THSD4: variants seen among roughly 807,000 people sequenced by gnomAD.
THSD4 encodes thrombospondin type-1 domain-containing protein 4.
THSD4 carries 69 observed loss-of-function variants against 119.0 expected under a neutral mutation model. The observed-to-expected ratio is 0.58, with a 90% CI of 0.48 to 0.71. The LOEUF (loss-of-function observed/expected upper bound fraction) is 0.71. Ranked by LOEUF, THSD4 falls within the 30% of genes least tolerant of loss-of-function variation. THSD4 has a pLI of 0.00. For missense variants in THSD4, 1,393 were observed against 1,391.1 expected, an observed-to-expected ratio of 1.00 and a Z score of -0.02; for synonymous variants, 524 against 540.4, an observed-to-expected ratio of 0.97 and a Z score of 0.42.
intron 6 of THSD4, among the ~76,000 whole-genome samples, chr15:71,350,560 T>C (rs1365739393): frequency 3.9e-5 from 6 of 152,222 alleles, no homozygotes; most frequent in African/African-American, 1.4e-4. Flanking sequence ...GACTTGAATT[T>C]TTATTTTTCT....
chr15:71,315,174 G>A (rs2045168865), intron 6 of THSD4, among the ~76,000 whole-genome samples: 1 of 152,156 alleles, frequency 6.6e-6, no homozygotes, highest in African/African-American at 2.4e-5. Flanking sequence ...TCCCAGCATG[G>A]CCTGGGCTGC....
At chr15:71,640,980 G>GACACACAC (rs10551548) in intron 7 of THSD4, among the ~76,000 whole-genome samples, 15 of 146,722 alleles carry the variant, frequency 1.0e-4, no homozygotes, top group South Asian at 8.8e-4. Flanking sequence ...CCCACCTACA[G>GACACACAC]ACACACACAC....
chr15:71,766,194 A>AT (rs1311384604), intron 16 of THSD4, among the ~76,000 whole-genome samples: 3 of 152,088 alleles, frequency 2.0e-5, no homozygotes, highest in African/African-American at 7.2e-5. Context: ...GATAAGATTC[A>AT]TTTTTTTCAA....
chr15:71,394,139 G>A (rs536849247), intron 6 of THSD4, among the ~76,000 whole-genome samples: 1 of 150,746 alleles, frequency 6.6e-6, no homozygotes, highest in African/African-American at 2.4e-5. Flanking sequence ...CTGCATATCT[G>A]AGATATTTAA....
At chr15:71,506,790 G>A (rs968749434) in intron 7 of THSD4, among the ~76,000 whole-genome samples, 1 of 152,166 alleles carries the variant, frequency 6.6e-6, no homozygotes, top group African/African-American at 2.4e-5. Context: ...CAGCTCCATG[G>A]GGTTTGTGTT....
intron 7 of THSD4, among the ~76,000 whole-genome samples, chr15:71,446,015 T>A (rs1331386542): frequency 6.6e-6 from 1 of 152,238 alleles, no homozygotes; most frequent in Non-Finnish European, 1.5e-5. Context: ...TAATTAAGAC[T>A]GAATTTATTT....
At chr15:71,631,883 T>A (rs1046335425) in intron 7 of THSD4, among the ~76,000 whole-genome samples, 4 of 152,134 alleles carry the variant, frequency 2.6e-5, no homozygotes, top group African/African-American at 9.7e-5. Flanking sequence ...CCGTCCAATA[T>A]CCCAAGCTAC....
chr15:71,103,338 C>G (rs1423527214), intron 1 of THSD4, among the ~76,000 whole-genome samples: 1 of 152,176 alleles, frequency 6.6e-6, no homozygotes, highest in African/African-American at 2.4e-5. Flanking sequence ...AGTTTCAGTT[C>G]TCCAAACATG....
At chr15:71,408,432 T>C (rs1301231084) in intron 6 of THSD4, among the ~76,000 whole-genome samples, 1 of 152,082 alleles carries the variant, frequency 6.6e-6, no homozygotes, top group East Asian at 1.9e-4. Context: ...AGGGTCTCAT[T>C]ATGTTGCCCA....
intron 8 of THSD4, among the ~76,000 whole-genome samples, chr15:71,700,986 A>G (rs1181235091): frequency 1.3e-5 from 2 of 152,132 alleles, no homozygotes; most frequent in East Asian, 3.8e-4. Context: ...TCTGACAAGA[A>G]CTAAACTCTT....
At chr15:71,403,747 C>T (rs1479714524) in intron 6 of THSD4, among the ~76,000 whole-genome samples, 2 of 152,200 alleles carry the variant, frequency 1.3e-5, no homozygotes, top group Non-Finnish European at 2.9e-5. Flanking sequence ...CAGTGTTCCC[C>T]AGCTGCAATA....
chr15:71,214,563 G>A (rs2043914497), intron 3 of THSD4, among the ~76,000 whole-genome samples: 1 of 152,226 alleles, frequency 6.6e-6, no homozygotes, highest in Non-Finnish European at 1.5e-5. Flanking sequence ...CCACCGGAAG[G>A]AACAAACTCC....
chr15:71,692,042 CAAGT>C (rs1242973156), intron 8 of THSD4, among the ~76,000 whole-genome samples: 3 of 152,186 alleles, frequency 2.0e-5, no homozygotes, highest in African/African-American at 7.2e-5. Context: ...CCAAAAGTAA[CAAGT>C]AATCACATGG....
chr15:71,727,122 A>G (rs1190685805), intron 8 of THSD4, among the ~76,000 whole-genome samples: 1 of 151,932 alleles, frequency 6.6e-6, no homozygotes, highest in Non-Finnish European at 1.5e-5. Flanking sequence ...ACTAGAAATC[A>G]CAGGTCTGAC....
intron 1 of THSD4, among the ~76,000 whole-genome samples, chr15:71,100,854 C>T (rs899036656): frequency 1.3e-5 from 2 of 152,066 alleles, no homozygotes; most frequent in African/African-American, 4.8e-5. Flanking sequence ...GTGGCCTGCA[C>T]ACCTGTGGTC....
intron 7 of THSD4, among the ~76,000 whole-genome samples, chr15:71,466,394 A>G (rs562604109): frequency 6.6e-6 from 1 of 151,536 alleles, no homozygotes; most frequent in African/African-American, 2.4e-5. Context: ...TGTAACAGAG[A>G]AAAAGGGTCA....
At chr15:71,424,405 CAG>C (rs1370595012) in intron 7 of THSD4, among the ~76,000 whole-genome samples, 4 of 152,000 alleles carry the variant, frequency 2.6e-5, no homozygotes, top group African/African-American at 9.7e-5. Context: ...CATTTTTTGA[CAG>C]GGACTGGAAG....
chr15:71,650,999 C>T (rs1192247328), intron 7 of THSD4, among the ~76,000 whole-genome samples: 4 of 152,144 alleles, frequency 2.6e-5, no homozygotes, highest in Admixed American at 2.6e-4. Context: ...GAGGAAAATT[C>T]TGATGAAAGA....
intron 8 of THSD4, among the ~76,000 whole-genome samples, chr15:71,682,398 A>G (rs1197851916): frequency 1.3e-5 from 2 of 152,250 alleles, no homozygotes; most frequent in East Asian, 3.9e-4. Context: ...AGATGAAGAA[A>G]TAGAACTTGA....
Sources: allele counts gnomAD v4.1 joint callset (sites outside exome capture counted in the v4.1 genomes callset), GRCh38; gene constraint gnomAD v4.1.1; transcripts MANE v1.5; gene names NCBI Gene and HGNC (gene_info 2026-07-23, HGNC 2026-07-21).